TARS1: variants seen among roughly 807,000 people sequenced by gnomAD.
The protein encoded by TARS1 is threonine--tRNA ligase 1, cytoplasmic.
A neutral mutation model predicts 97.7 loss-of-function variants in TARS1; 57 were observed. The observed-to-expected ratio is 0.58, with a 90% confidence interval of 0.47 to 0.73. The LOEUF is 0.73. TARS1 is among the 30% of genes least tolerant of loss of function. The probability of loss-of-function intolerance (pLI) is 0.00; values close to 1 mark genes in which losing one functional copy is unlikely to be tolerated. For synonymous variants in TARS1, 312 were observed against 293.7 expected (o/e 1.06, Z -0.64); for missense variants, 806 against 888.3 (o/e 0.91, Z 1.18).
intron 4 of TARS1, among the ~76,000 whole-genome samples, chr5:33,453,761 T>C (rs7734078): frequency 0.29 from 43,493 of 151,134 alleles, 7,701 homozygotes; most frequent in African/African-American, 0.5. Flanking sequence ...GCTTTGTCAC[T>C]CAGACTGTAG....
intron 3 of TARS1, among the ~76,000 whole-genome samples, chr5:33,451,421 C>G (rs1741728262): frequency 6.7e-6 from 1 of 148,608 alleles, no homozygotes; most frequent in African/African-American, 2.5e-5. Flanking sequence ...GTCGCCCAGG[C>G]TGGAGTGCAT....
chr5:33,463,872 A>C, intron 17 of TARS1, 47 bp downstream of exon 17: 3 of 1,522,508 alleles, frequency 2.0e-6, no homozygotes, highest in Non-Finnish European at 2.7e-6. Flanking sequence ...TCTGTTGTTC[A>C]GCTTTTCAAA....
At chr5:33,466,213 G>A (rs754918698) in intron 17 of TARS1, 5 of 152,174 alleles carry the variant, frequency 3.3e-5, no homozygotes, top group Non-Finnish European at 5.9e-5. Context: ...CCACTGTAAG[G>A]AAACAGTTTT....
intron 8 of TARS1, among the ~76,000 whole-genome samples, 172 bp from the exon 9 acceptor site, chr5:33,457,085 C>A (rs1332263806): frequency 6.6e-6 from 1 of 152,152 alleles, no homozygotes; most frequent in Non-Finnish European, 1.5e-5. Context: ...AGGCATGAGC[C>A]ACTGCACCCA....
chr5:33,440,789 T>G, upstream of TARS1: 1 of 502,892 alleles, frequency 2.0e-6, no homozygotes, highest in East Asian at 3.1e-5. Flanking sequence ...CAGCGGAGAG[T>G]AGGCATGTAG....
At chr5:33,443,689 G>A (rs1326090003) in intron 1 of TARS1, among the ~76,000 whole-genome samples, 3 of 151,860 alleles carry the variant, frequency 2.0e-5, no homozygotes, top group African/African-American at 4.8e-5. Flanking sequence ...TAGAGACGGG[G>A]TTTCACCGTG....
At chr5:33,455,199 C>A in intron 5 of TARS1, 133 bp downstream of exon 5, 1 of 1,185,514 alleles carries the variant, frequency 8.4e-7, no homozygotes, top group Non-Finnish European at 1.2e-6. Context: ...ATTATCAGTA[C>A]TTGAAGTGTT....
chr5:33,462,075 AAAC>A, intron 15 of TARS1, 21 bp from the exon 16 acceptor site: 1 of 1,605,336 alleles, frequency 6.2e-7, no homozygotes, highest in African/African-American at 1.4e-5. Context: ...TAATAAGACA[AAAC>A]AATTTTTTTT....
Position 33,448,707 on chromosome 5 carries a change from C to A in TARS1, c.305C>A (p.Pro102Gln). 1.9e-6 allele frequency: 3 copies of A among 1,613,400 alleles called. No individual in the cohort carries two copies. Among genetic ancestry groups the A allele is most frequent in the East Asian group, 2.2e-5 (1 of 44,808 alleles). The change falls in exon 3 of 19, where the codon CCA (proline) becomes CAA (glutamine). Residue 102 changes from proline to glutamine, a missense_variant. Pro to Gln is a moderately conservative substitution (Grantham distance 76). This residue lies in a region of TARS1 where 356 missense variants were observed against 357.8 expected (regional missense o/e 0.99). Transcript: ENST00000265112. ...QVDAESWKTT[P>Q]YQIACGISQG... ...GATGCGGAATCTTGGAAAACTACAC[C>A]ATATCAAATTGCCTGTGGAATTAGG...
At chr5:33,448,424 C>A in intron 2 of TARS1, 117 bp from the exon 3 acceptor site, 1 of 835,290 alleles carries the variant, frequency 1.2e-6, no homozygotes, top group Non-Finnish European at 1.7e-6. Context: ...GTTTATTTAC[C>A]ACATTGAATC....
intron 11 of TARS1, 61 bp downstream of exon 11, chr5:33,459,922 C>T (rs1742211779): frequency 6.5e-7 from 1 of 1,542,726 alleles, no homozygotes; most frequent in Admixed American, 1.9e-5. Context: ...ATCCTGGGTT[C>T]TTCCCTCCTT....
intron 16 of TARS1, 57 bp from the exon 17 acceptor site, chr5:33,463,696 T>C: frequency 3.6e-6 from 5 of 1,399,122 alleles, no homozygotes; most frequent in Non-Finnish European, 4.0e-6. Context: ...AAATATGCTG[T>C]CCCTGTTTAG....
rs1182461584 is a variant in TARS1, at chr5:33,454,962, T to G, written c.471T>G (p.Ser157Arg). 6.2e-7 allele frequency: 1 copy of G among 1,613,830 alleles called. No homozygotes were observed. Among genetic ancestry groups the G allele is most frequent in the Non-Finnish European group, 8.5e-7 (1 of 1,179,878 alleles). The change falls in exon 5 of 19, where the codon AGT becomes AGG. Residue 157 changes from serine (S) to arginine (R), a missense_variant. Coordinates refer to ENST00000265112, the MANE Select transcript of TARS1 (RefSeq NM_152295.5). ...ATTTTCAGGTGTATTGGCACTCTAG[T>G]GCTCACATAATGGGTGAAGCCATGG... is the stretch of plus-strand genomic sequence containing the variant. Reference protein sequence around the residue: ...EEAQAVYWHSSAHIMGEAMER... With the variant: ...EEAQAVYWHSRAHIMGEAMER...
At chr5:33,465,822 A>G (rs899948736) in intron 17 of TARS1, among the ~76,000 whole-genome samples, 1 of 152,234 alleles carries the variant, frequency 6.6e-6, no homozygotes, top group Admixed American at 6.5e-5. Context: ...TAGATCATTT[A>G]GAATCTTTTT....
intron 11 of TARS1, among the ~76,000 whole-genome samples, chr5:33,460,132 A>C (rs1742223217): frequency 6.6e-6 from 1 of 151,436 alleles, no homozygotes; most frequent in Non-Finnish European, 1.5e-5. Context: ...ATGCCCAGCT[A>C]ATTTTTAAAA....
chr5:33,446,814 G>A (rs1741441104), intron 2 of TARS1: 2 of 1,159,920 alleles, frequency 1.7e-6, no homozygotes, highest in Non-Finnish European at 2.3e-6. Context: ...TGGGTACTGT[G>A]CATTAGTCTG....
intron 4 of TARS1, among the ~76,000 whole-genome samples, chr5:33,453,644 A>G (rs1271336121): frequency 6.6e-6 from 1 of 152,180 alleles, no homozygotes; most frequent in African/African-American, 2.4e-5. Flanking sequence ...CAATAGGGAA[A>G]ATGTTTTGGG....
rs1368173399 is a variant in TARS1 at position 33,461,312 on chromosome 5, A to G, written c.1551+17A>G. The G allele has an allele frequency of 1.2e-6, 2 of 1,606,766 alleles. No individual in the cohort carries two copies. Among genetic ancestry groups the G allele is most frequent in the Admixed American group, 1.7e-5 (1 of 58,880 alleles). On this transcript the variant is annotated intron_variant, in intron 13 of 18. Coordinates refer to ENST00000265112, the MANE Select transcript of TARS1 (RefSeq NM_152295.5). Reference sequence around the variant, plus strand: ...GCTGAGAAAGTAAGTGGTGTTTTTCAGCGTGCTTTTGAATACTGTTTGAAA... The same window carrying G: ...GCTGAGAAAGTAAGTGGTGTTTTTCGGCGTGCTTTTGAATACTGTTTGAAA...
Position 33,461,665 on chromosome 5 carries a change from A to G in TARS1, c.1552-2A>G, listed in dbSNP as rs750792554. 6.2e-7 allele frequency: 1 copy of G among 1,612,402 alleles called. No homozygotes were observed. The highest frequency in any genetic ancestry group is 8.5e-7 in the Non-Finnish European group (1 of 1,179,618). ...ATAAAAATCATTTTGCTTTATCCTCAGCAACTTGAAAACAGTCTGAATGAA... is the reference window on the plus strand; with the variant it reads ...ATAAAAATCATTTTGCTTTATCCTCGGCAACTTGAAAACAGTCTGAATGAA... On this transcript the variant is annotated splice_acceptor_variant, in intron 13 of 18. Transcript: ENST00000265112. LOFTEE classifies it high-confidence loss of function.
Sources: allele counts gnomAD v4.1 joint callset (sites outside exome capture counted in the v4.1 genomes callset), GRCh38; gene constraint gnomAD v4.1.1; regional missense constraint gnomAD v4.1.1; transcripts MANE v1.5; gene names NCBI Gene and HGNC (gene_info 2026-07-23, HGNC 2026-07-21).